GALNTL6: variants seen among roughly 807,000 people sequenced by gnomAD.
GALNTL6 encodes the protein polypeptide N-acetylgalactosaminyltransferase like 6.
In GALNTL6, 46 loss-of-function variants were observed where a neutral mutation model predicts 73.7. The observed-to-expected ratio is 0.62, with a 90% CI of 0.49 to 0.80. The LOEUF (loss-of-function observed/expected upper bound fraction) is 0.80, where lower values mean the gene tolerates loss of function less well. GALNTL6 is among the 30% of genes least tolerant of loss of function. The pLI, the probability that GALNTL6 is intolerant of heterozygous loss-of-function variation, is 0.00. For missense variants in GALNTL6, 604 were observed against 755.0 expected (o/e 0.80, Z 2.34); for synonymous variants, 259 against 263.7 (o/e 0.98, Z 0.17).
chr4:172,651,367 A>G (rs192447463), intron 5 of GALNTL6, among the ~76,000 whole-genome samples: 1 of 152,354 alleles, frequency 6.6e-6, no homozygotes, highest in Non-Finnish European at 1.5e-5. Flanking sequence ...TTGCAGTCAA[A>G]CAACTTCAAG....
intron 2 of GALNTL6, among the ~76,000 whole-genome samples, chr4:172,047,348 G>A (rs947378613): frequency 6.6e-6 from 1 of 151,994 alleles, no homozygotes; most frequent in Non-Finnish European, 1.5e-5. Context: ...TGGAGCCTAG[G>A]GCATTCATTA....
chr4:172,414,777 T>C (rs540309133), intron 5 of GALNTL6, among the ~76,000 whole-genome samples: 1 of 152,336 alleles, frequency 6.6e-6, no homozygotes, highest in East Asian at 1.9e-4. Context: ...AGGAAGACTT[T>C]ACTCATCATA....
intron 10 of GALNTL6, among the ~76,000 whole-genome samples, chr4:172,953,723 C>T (rs1749576124): frequency 6.6e-6 from 1 of 152,220 alleles, no homozygotes; most frequent in Admixed American, 6.5e-5. Context: ...CCACTACACC[C>T]TCCATCTCCT....
At chr4:172,668,358 A>G (rs1178464432) in intron 5 of GALNTL6, 1 of 152,214 alleles carries the variant, frequency 6.6e-6, no homozygotes, top group Non-Finnish European at 1.5e-5. Flanking sequence ...AAGACTCCCA[A>G]CACTGAAGTC....
chr4:173,009,340 C>A, intron 11 of GALNTL6, 46 bp downstream of exon 11: 1 of 1,067,966 alleles, frequency 9.4e-7, no homozygotes, highest in Non-Finnish European at 1.5e-6. Flanking sequence ...CAGTCGGGGG[C>A]TGATGCAGAC....
chr4:172,028,601 C>G (rs1424451996), intron 2 of GALNTL6, among the ~76,000 whole-genome samples: 1 of 151,926 alleles, frequency 6.6e-6, no homozygotes, highest in East Asian at 1.9e-4. Flanking sequence ...AAATAAAAGA[C>G]AATGATTTTA....
At chr4:171,832,378 A>G (rs909291772) in intron 2 of GALNTL6, among the ~76,000 whole-genome samples, 2 of 151,478 alleles carry the variant, frequency 1.3e-5, no homozygotes, top group Admixed American at 1.3e-4. Flanking sequence ...TAATTTATTT[A>G]ATATGTTCTT....
intron 2 of GALNTL6, among the ~76,000 whole-genome samples, chr4:172,097,355 C>T (rs553131198): frequency 6.6e-6 from 1 of 152,292 alleles, no homozygotes; most frequent in Admixed American, 6.5e-5. Flanking sequence ...AGACCTCACA[C>T]AGGATGCAAC....
At position 171,855,735 on chromosome 4, in the gene GALNTL6, G is replaced by C. The variant is rs1007169885; in HGVS notation, c.138+41017G>C. ...GGCTTTTTGCCACCAGGAATGACTG[G>C]GAGTTCCTGTTACTCCACATCCTCA... On this transcript the variant is annotated intron_variant, in intron 2 of 12. Coordinates refer to ENST00000506823, the MANE Select transcript of GALNTL6 (RefSeq NM_001034845.3). 1.8e-3 allele frequency among the ~76,000 whole-genome samples: 281 copies of C among 152,266 alleles called. 3 individuals are homozygous for C. The highest frequency in any genetic ancestry group is 1.1e-3 in the Non-Finnish European group (78 of 68,032).
intron 5 of GALNTL6, among the ~76,000 whole-genome samples, chr4:172,716,522 G>C (rs10025284): frequency 1.3e-5 from 2 of 151,986 alleles, no homozygotes; most frequent in African/African-American, 2.4e-5. Flanking sequence ...ATTCCCAGTC[G>C]CTCCCTTGGG....
At chr4:173,019,157 T>G (rs1484107928) in intron 11 of GALNTL6, among the ~76,000 whole-genome samples, 1 of 152,120 alleles carries the variant, frequency 6.6e-6, no homozygotes, top group Non-Finnish European at 1.5e-5. Flanking sequence ...GTTGATAAAG[T>G]GCATGACATG....
At chr4:172,089,949 G>A (rs1471975810) in intron 2 of GALNTL6, among the ~76,000 whole-genome samples, 3 of 152,160 alleles carry the variant, frequency 2.0e-5, no homozygotes, top group African/African-American at 7.2e-5. Context: ...AGAACATGAG[G>A]TGTTTAGTTT....
chr4:171,875,274 G>T (rs1736244761), intron 2 of GALNTL6, among the ~76,000 whole-genome samples: 1 of 152,174 alleles, frequency 6.6e-6, no homozygotes, highest in African/African-American at 2.4e-5. Flanking sequence ...AATAAGAGTA[G>T]ACTCCAAGAG....
intron 5 of GALNTL6, among the ~76,000 whole-genome samples, chr4:172,592,973 G>A (rs974713323): frequency 8.6e-5 from 13 of 151,816 alleles, no homozygotes; most frequent in African/African-American, 2.4e-5. Context: ...TTTGAAATAT[G>A]AGCACCTTGA....
At position 172,056,109 on chromosome 4, in the gene GALNTL6, A is replaced by C. The variant is rs191663741; in HGVS notation, c.139-173547A>C. Among the ~76,000 whole-genome samples the C allele has an allele frequency of 2.4e-3, 371 of 152,314 alleles. 2 individuals carry two copies. Among genetic ancestry groups the C allele is most frequent in the African/African-American group, 8.7e-3 (360 of 41,576 alleles). ...CAAAATGTGTTTTTAAAAATCTGCT[A>C]TTAAGAATAACAGATTGACTTAAAA... is the stretch of plus-strand genomic sequence containing the variant. On this transcript the variant is annotated intron_variant, in intron 2 of 12. Transcript: ENST00000506823.
intron 2 of GALNTL6, among the ~76,000 whole-genome samples, chr4:171,966,824 T>C (rs1739395656): frequency 6.6e-6 from 1 of 152,232 alleles, no homozygotes; most frequent in African/African-American, 2.4e-5. Flanking sequence ...CACTGGGAAG[T>C]CTACCTCTGA....
intron 4 of GALNTL6, among the ~76,000 whole-genome samples, chr4:172,324,150 G>A (rs1390466241): frequency 2.6e-5 from 4 of 151,876 alleles, no homozygotes; most frequent in Admixed American, 2.6e-4. Flanking sequence ...TGATGTGTGT[G>A]TGTATGTATT....
chr4:171,838,222 C>T (rs1332356053), intron 2 of GALNTL6, among the ~76,000 whole-genome samples: 6 of 151,982 alleles, frequency 3.9e-5, no homozygotes, highest in Non-Finnish European at 1.5e-5. Flanking sequence ...CTCCCAGGTT[C>T]AAGCAATTCT....
chr4:172,912,289 G>T (rs1420096656), intron 8 of GALNTL6, among the ~76,000 whole-genome samples: 2 of 152,178 alleles, frequency 1.3e-5, no homozygotes, highest in African/African-American at 4.8e-5. Context: ...CCAGTCTACA[G>T]CTCCCAGTGT....
Sources: allele counts gnomAD v4.1 joint callset (sites outside exome capture counted in the v4.1 genomes callset), GRCh38; gene constraint gnomAD v4.1.1; transcripts MANE v1.5; gene names NCBI Gene and HGNC (gene_info 2026-07-23, HGNC 2026-07-21).